The following PPFIBP2 variants were observed in gnomAD, a reference collection of about 807,000 sequenced individuals.
PPFIBP2 encodes the protein PPFIB scaffold protein 2.
Under a neutral mutation model 118.3 loss-of-function variants are expected in PPFIBP2, and 118 were observed. That is an observed-to-expected ratio of 1.00 (90% CI 0.86 to 1.16). The LOEUF is 1.16. Among genes scored for constraint, PPFIBP2 ranks in the 50% most tolerant of loss-of-function variants. The pLI is 0.00. For synonymous variants in PPFIBP2, 414 were observed against 397.4 expected (o/e 1.04, Z -0.50); for missense variants, 1,195 against 1,073.1 (o/e 1.11, Z -1.59).
At chr11:7,604,584 C>G (rs1263202658) in intron 5 of PPFIBP2, among the ~76,000 whole-genome samples, 1 of 151,722 alleles carries the variant, frequency 6.6e-6, no homozygotes, top group Non-Finnish European at 1.5e-5. Context: ...ACTCACCCAC[C>G]CATCCACACA....
the PPFIBP2 span, chr11:7,665,261 C>T: frequency 0.022 from 20,928 of 934,162 alleles, 312 homozygotes; most frequent in Non-Finnish European, 0.028. Flanking sequence ...AGTGTGTGCG[C>T]GAAGGTACAT....
intron 3 of PPFIBP2, among the ~76,000 whole-genome samples, chr11:7,587,030 T>G (rs1858339171): frequency 6.6e-6 from 1 of 152,264 alleles, no homozygotes; most frequent in Non-Finnish European, 1.5e-5. Context: ...AACTTACTTT[T>G]TCATATCACA....
At chr11:7,644,973 G>A (rs1852790484) in intron 17 of PPFIBP2, among the ~76,000 whole-genome samples, 1 of 134,856 alleles carries the variant, frequency 7.4e-6, no homozygotes, top group Non-Finnish European at 1.5e-5. Context: ...CTTGCAGTGA[G>A]CCGAGATCCC....
intron 3 of PPFIBP2, among the ~76,000 whole-genome samples, chr11:7,568,598 C>G (rs1183978366): frequency 1.3e-5 from 2 of 152,184 alleles, no homozygotes; most frequent in African/African-American, 4.8e-5. Flanking sequence ...GGCACTTCCA[C>G]CTGCCATAGA....
chr11:7,659,628 T>C (rs1221532495), downstream of PPFIBP2, among the ~76,000 whole-genome samples: 24 of 134,726 alleles, frequency 1.8e-4, no homozygotes, highest in Admixed American at 2.3e-4. Context: ...CTTGGCAATG[T>C]GGGCTCTTTT....
intron 5 of PPFIBP2, among the ~76,000 whole-genome samples, chr11:7,602,249 T>A (rs535671011): frequency 6.6e-6 from 1 of 152,294 alleles, no homozygotes; most frequent in South Asian, 2.1e-4. Flanking sequence ...GATCAAGGCA[T>A]TGCTCAGCTG....
At chr11:7,611,880 A>C (rs1282401071) in intron 6 of PPFIBP2, among the ~76,000 whole-genome samples, 2 of 152,242 alleles carry the variant, frequency 1.3e-5, no homozygotes, top group East Asian at 3.8e-4. Context: ...AATCTGTGTG[A>C]AGTGCTAGTT....
intron 19 of PPFIBP2, 114 bp downstream of exon 19, chr11:7,649,025 G>A: frequency 7.5e-7 from 1 of 1,330,750 alleles, no homozygotes; most frequent in Non-Finnish European, 1.1e-6. Flanking sequence ...AAAAGCAGAG[G>A]AATTACTAAA....
At chr11:7,627,777 A>T (rs565146024) in intron 8 of PPFIBP2, among the ~76,000 whole-genome samples, 141 of 152,360 alleles carry the variant, frequency 9.3e-4, no homozygotes, top group African/African-American at 3.3e-3. Context: ...TTGTTAGTCA[A>T]TTTTGACTAT....
In PPFIBP2 at chr11:7,642,416, G is replaced by T; in HGVS notation, c.1636G>T (p.Gly546Ter). The T allele has an allele frequency of 6.2e-7, 1 of 1,613,034 alleles. No homozygotes were observed. Among genetic ancestry groups the T allele is most frequent in the South Asian group, 1.1e-5 (1 of 90,876 alleles). ...ACTCTCTAGGACCAGGGACTCCAAG[G>T]GACAGAAAAGGTAAGGCTTGACCCA... ...PRLSRTRDSK[G>*]QKSDANAPFA... Residue 546 changes from glycine to a stop codon, truncating the protein, a stop_gained, in exon 17 of 24, where the codon GGA becomes TGA. Transcript: ENST00000299492. LOFTEE classifies it high-confidence loss of function.
rs201668182 is a variant in PPFIBP2 at position 7,593,232 on chromosome 11, C to G, written c.372+8C>G. ...GAGTCCCTCATATTGCAGGTGGGTA[C>G]TTTTTGGTGAGAATCGGCTTATCCT... is the stretch of plus-strand genomic sequence containing the variant. On this transcript the variant is annotated splice_region_variant and intron_variant, in intron 4 of 23. Transcript: ENST00000299492. 5.0e-5 allele frequency: 81 copies of G among 1,613,354 alleles called. No individual in the cohort carries two copies. Among genetic ancestry groups the G allele is most frequent in the Non-Finnish European group, 6.8e-5 (80 of 1,179,632 alleles).
At chr11:7,564,462 T>C (rs1337592885) in intron 2 of PPFIBP2, among the ~76,000 whole-genome samples, 1 of 152,148 alleles carries the variant, frequency 6.6e-6, no homozygotes, top group African/African-American at 2.4e-5. Flanking sequence ...TATAGAGATA[T>C]ATAGGGGATA....
chr11:7,659,079 C>A (rs1854832860), downstream of PPFIBP2, among the ~76,000 whole-genome samples: 1 of 146,254 alleles, frequency 6.8e-6, no homozygotes, highest in Non-Finnish European at 1.5e-5. Flanking sequence ...AAAATTTTCT[C>A]CCATTTTGTA....
chr11:7,605,169 A>G (rs1847188891), intron 5 of PPFIBP2, among the ~76,000 whole-genome samples: 1 of 152,218 alleles, frequency 6.6e-6, no homozygotes, highest in African/African-American at 2.4e-5. Flanking sequence ...GCAATGTACA[A>G]TTGTCGCAGT....
Position 7,549,557 on chromosome 11 carries a change from C to A in PPFIBP2, c.64+18C>A. On this transcript the variant is annotated intron_variant, in intron 2 of 23. Coordinates refer to ENST00000299492, the MANE Select transcript of PPFIBP2 (RefSeq NM_003621.5). ...CATTGCAGGTACGCCCAGGGAACCC[C>A]AGCAACCAAGGTCTCATCCTCCACA... 2 of 1,541,240 alleles carry A rather than the reference C, an allele frequency of 1.3e-6. No homozygotes were observed. The highest frequency in any genetic ancestry group is 1.7e-6 in the Non-Finnish European group (2 of 1,143,534).
At chr11:7,559,054 G>C (rs1461046118) in intron 2 of PPFIBP2, among the ~76,000 whole-genome samples, 1 of 152,126 alleles carries the variant, frequency 6.6e-6, no homozygotes, top group Admixed American at 6.5e-5. Flanking sequence ...CAGGCATCTG[G>C]AGTTTGTAAA....
intron 8 of PPFIBP2, among the ~76,000 whole-genome samples, chr11:7,626,487 T>C (rs994659899): frequency 6.6e-6 from 1 of 152,226 alleles, no homozygotes; most frequent in African/African-American, 2.4e-5. Context: ...AACTTACCAG[T>C]GTTGTGTGTT....
At chr11:7,542,947 T>C (rs1851943510) in intron 1 of PPFIBP2, among the ~76,000 whole-genome samples, 1 of 152,384 alleles carries the variant, frequency 6.6e-6, no homozygotes, top group South Asian at 2.1e-4. Flanking sequence ...GATGAGACAA[T>C]TGAGGCTAAA....
intron 5 of PPFIBP2, among the ~76,000 whole-genome samples, chr11:7,606,886 A>ATTTTTTTTTTTTTTTTTTTTTTTTT (rs529585905): frequency 1.9e-5 from 1 of 51,440 alleles, no homozygotes; most frequent in Non-Finnish European, 3.7e-5. Context: ...AACTGCATGA[A>ATTTTTTTTTTTTTTTTTTTTTTTTT]TTTTTTTTTT....
Sources: allele counts gnomAD v4.1 joint callset (sites outside exome capture counted in the v4.1 genomes callset), GRCh38; gene constraint gnomAD v4.1.1; transcripts MANE v1.5; gene names NCBI Gene and HGNC (gene_info 2026-07-23, HGNC 2026-07-21).